The following PCDHA7 variants were observed in gnomAD, a reference collection of about 807,000 sequenced individuals.
PCDHA7 encodes the protein protocadherin alpha 7.
Under a neutral mutation model 57.2 loss-of-function variants are expected in PCDHA7, and 37 were observed. The ratio of observed to expected loss-of-function variants is 0.65; its 90% CI spans 0.50 to 0.85. The LOEUF is 0.85. PCDHA7 is among the 40% of genes least tolerant of loss of function. The pLI is 0.00. For synonymous variants in PCDHA7, 553 were observed against 558.8 expected (o/e 0.99, Z 0.15); for missense variants, 1,188 against 1,241.8 (o/e 0.96, Z 0.65).
chr5:140,971,487 C>G (rs1285006281), intron 1 of PCDHA7, among the ~76,000 whole-genome samples: 1 of 152,110 alleles, frequency 6.6e-6, no homozygotes, highest in African/African-American at 2.4e-5. Flanking sequence ...CACATTGTTA[C>G]AGTGTGGCAA....
chr5:140,890,528 C>T (rs1329794711), intron 1 of PCDHA7, among the ~76,000 whole-genome samples: 3 of 152,060 alleles, frequency 2.0e-5, no homozygotes, highest in South Asian at 2.1e-4. Flanking sequence ...CTTTGTTGAT[C>T]TTCTTTTGAA....
At chr5:140,915,446 GT>G (rs2077122918) in intron 1 of PCDHA7, among the ~76,000 whole-genome samples, 1 of 152,184 alleles carries the variant, frequency 6.6e-6, no homozygotes, top group African/African-American at 2.4e-5. Flanking sequence ...TCTTGAGAAG[GT>G]TTTCCAGAAG....
chr5:140,873,734 C>T (rs2054463877), intron 1 of PCDHA7, among the ~76,000 whole-genome samples: 1 of 152,178 alleles, frequency 6.6e-6, no homozygotes, highest in African/African-American at 2.4e-5. Flanking sequence ...AATCTCAGCT[C>T]ACTGCAATCT....
At position 140,924,416 on chromosome 5, in the gene PCDHA7, T is replaced by A. The variant is rs1283567998; in HGVS notation, c.2356-54533T>A. 1.3e-5 allele frequency among the ~76,000 whole-genome samples: 2 copies of A among 152,192 alleles called. 1 individual carries two copies. The highest frequency in any genetic ancestry group is 4.1e-4 in the South Asian group (2 of 4,830). ...TATTGCCTTATATCACAGTGTGCCC[T>A]TTCTAGTTCCCTAGAAGAGATAACG... is the stretch of plus-strand genomic sequence containing the variant. On this transcript the variant is annotated intron_variant, in intron 1 of 3. Coordinates refer to ENST00000525929, the MANE Select transcript of PCDHA7 (RefSeq NM_018910.3).
intron 2 of PCDHA7, 86 bp from the exon 3 acceptor site, chr5:140,982,389 T>C: frequency 1.3e-6 from 2 of 1,593,476 alleles, no homozygotes; most frequent in South Asian, 1.1e-5. Context: ...CCTGGCTTCA[T>C]AGTTGTAAGC....
intron 1 of PCDHA7, among the ~76,000 whole-genome samples, chr5:140,941,274 C>T (rs1267060320): frequency 2.7e-3 from 120 of 44,772 alleles, no homozygotes; most frequent in African/African-American, 7.9e-3. Flanking sequence ...TCTTTCTTTC[C>T]TTCCTTCCTT....
chr5:140,955,022 A>G (rs1468442096), intron 1 of PCDHA7, among the ~76,000 whole-genome samples: 2 of 152,182 alleles, frequency 1.3e-5, no homozygotes, highest in Non-Finnish European at 2.9e-5. Flanking sequence ...ACCATTTATT[A>G]AATAGGGAAT....
chr5:140,961,920 G>A (rs2095643236), intron 1 of PCDHA7, among the ~76,000 whole-genome samples: 1 of 147,904 alleles, frequency 6.8e-6, no homozygotes, highest in South Asian at 2.1e-4. Context: ...GTCTCGCTCT[G>A]TTGCCCAGGC....
intron 1 of PCDHA7, among the ~76,000 whole-genome samples, chr5:140,971,149 G>C (rs2096459410): frequency 1.3e-5 from 2 of 152,200 alleles, no homozygotes; most frequent in Admixed American, 1.3e-4. Context: ...GAACAAGTCA[G>C]GCCAGGCTCA....
Position 140,868,861 on chromosome 5 carries a change from T to G in PCDHA7, c.2355+32123T>G, listed in dbSNP as rs539900578. The G allele has an allele frequency of 3.6e-3, 1,881 of 525,394 alleles. 11 individuals carry two copies. Among genetic ancestry groups the G allele is most frequent in the Non-Finnish European group, 4.6e-3 (1,438 of 315,638 alleles). 32.5% of individuals were successfully genotyped at this position (525,394 alleles called of 1,614,324 possible). On this transcript the variant is annotated intron_variant, in intron 1 of 3. Coordinates refer to ENST00000525929, the MANE Select transcript of PCDHA7 (RefSeq NM_018910.3). ...ACACGTGAAATTCTGTGGTGGTAAA[T>G]GCAGTGCACAGTACTCACAGTTTTA...
At chr5:140,888,623 C>T (rs1456857060) in intron 1 of PCDHA7, among the ~76,000 whole-genome samples, 1 of 152,160 alleles carries the variant, frequency 6.6e-6, no homozygotes. Context: ...ACTAATTCGG[C>T]CTTCTATTAC....
intron 1 of PCDHA7, among the ~76,000 whole-genome samples, chr5:140,894,631 A>G (rs1413513485): frequency 6.6e-6 from 1 of 151,582 alleles, no homozygotes; most frequent in Non-Finnish European, 1.5e-5. Flanking sequence ...TTCTCCAATC[A>G]TATCATTACT....
chr5:140,981,691 T>C (rs1370541525), intron 2 of PCDHA7, among the ~76,000 whole-genome samples: 1 of 150,826 alleles, frequency 6.6e-6, no homozygotes, highest in East Asian at 2.1e-4. Flanking sequence ...CCTTCCATCA[T>C]TCATTCATTC....
intron 1 of PCDHA7, among the ~76,000 whole-genome samples, chr5:140,879,906 T>C (rs993531346): frequency 6.6e-6 from 1 of 152,214 alleles, no homozygotes; most frequent in Admixed American, 6.5e-5. Context: ...TCTCTCTCTA[T>C]GTGTTGGTTT....
rs782499527 is a variant in PCDHA7, at chr5:140,871,070, C to T, written c.2355+34332C>T. ...GTACTGGTGAAGGATCACGGTGAGC[C>T]GGCGCTGACGGCCACGGCCACCGTG... On this transcript the variant is annotated intron_variant, in intron 1 of 3. Transcript: ENST00000525929. 11 of 1,613,094 alleles carry T rather than the reference C, an allele frequency of 6.8e-6. No homozygotes were observed. The South Asian group carries it at 9.9e-5, about 14-fold the overall frequency.
intron 1 of PCDHA7, chr5:140,928,245 A>G: frequency 2.5e-6 from 4 of 1,614,192 alleles, no homozygotes; most frequent in Non-Finnish European, 8.5e-7. Context: ...CCCAGCAGGA[A>G]CTTTTCGTTG....
At chr5:140,870,912 C>T (rs1554164817) in intron 1 of PCDHA7, 1 of 1,613,952 alleles carries the variant, frequency 6.2e-7, no homozygotes, top group Admixed American at 1.7e-5. Flanking sequence ...CAGGCTACAA[C>T]GCGTGGCTTT....
intron 1 of PCDHA7, among the ~76,000 whole-genome samples, chr5:140,972,660 ATT>A (rs11350929): frequency 0.036 from 4,256 of 117,216 alleles, 192 homozygotes; most frequent in African/African-American, 0.13. Context: ...AAGAAACCAA[ATT>A]TTTTTTTTTT....
intron 1 of PCDHA7, chr5:140,967,201 A>T: frequency 6.2e-7 from 1 of 1,613,620 alleles, no homozygotes; most frequent in Non-Finnish European, 8.5e-7. Flanking sequence ...ACGACAACTC[A>T]CCGCGTTTCC....
Sources: allele counts gnomAD v4.1 joint callset (sites outside exome capture counted in the v4.1 genomes callset), GRCh38; gene constraint gnomAD v4.1.1; transcripts MANE v1.5; gene names NCBI Gene and HGNC (gene_info 2026-07-23, HGNC 2026-07-21).